CCNH: variants seen among roughly 807,000 people sequenced by gnomAD.
The protein encoded by CCNH is cyclin-H.
In CCNH, 31 loss-of-function variants were observed where a neutral mutation model predicts 41.9. That is an observed-to-expected ratio of 0.74 (90% CI 0.56 to 1.00). The LOEUF is 1.00. Among genes scored for constraint, CCNH ranks in the 50% least tolerant of loss-of-function variants. The pLI is 0.00. For missense variants in CCNH, 362 were observed against 388.4 expected (o/e 0.93, Z 0.57); for synonymous variants, 138 against 136.1 (o/e 1.01, Z -0.10).
chr5:87,399,261 T>C, intron 7 of CCNH, 133 bp downstream of exon 7: 1 of 692,952 alleles, frequency 1.4e-6, no homozygotes. Flanking sequence ...GAAATGTCCA[T>C]TCAATAAAGA....
At chr5:87,354,914 C>T (rs568201891) in intron 9 of CCNH, among the ~76,000 whole-genome samples, 1 of 152,246 alleles carries the variant, frequency 6.6e-6, no homozygotes, top group South Asian at 2.1e-4. Context: ...ATAACATTCC[C>T]TTAAGCCAAA....
chr5:87,388,467 T>C (rs1245935912), downstream of CCNH, among the ~76,000 whole-genome samples: 1 of 152,162 alleles, frequency 6.6e-6, no homozygotes, highest in Non-Finnish European at 1.5e-5. Context: ...CAACAGGAAA[T>C]GCTATTTGGA....
chr5:87,358,957 T>A (rs888078353), intron 9 of CCNH, among the ~76,000 whole-genome samples: 1 of 150,840 alleles, frequency 6.6e-6, no homozygotes, highest in South Asian at 2.1e-4. Flanking sequence ...AATGACACTT[T>A]ACCTAGACAC....
At chr5:87,395,639 G>A (rs1007197281) in intron 7 of CCNH, among the ~76,000 whole-genome samples, 2 of 152,178 alleles carry the variant, frequency 1.3e-5, no homozygotes, top group African/African-American at 2.4e-5. Flanking sequence ...TTAGGAGGCC[G>A]AGGCGTCAGA....
chr5:87,360,174 T>G (rs1759974862), intron 9 of CCNH, among the ~76,000 whole-genome samples: 2 of 151,350 alleles, frequency 1.3e-5, no homozygotes. Context: ...TGCTCAGGCT[T>G]GGAGTGGAAT....
intron 9 of CCNH, among the ~76,000 whole-genome samples, chr5:87,321,249 G>A (rs1756782250): frequency 6.6e-6 from 1 of 152,178 alleles, no homozygotes; most frequent in Non-Finnish European, 1.5e-5. Context: ...TTTTTCCTCT[G>A]CTCTTACACC....
chr5:87,400,396 A>G lies in CCNH; in HGVS notation c.761-891T>C, dbSNP rs540962427. On this transcript the variant is annotated intron_variant, in intron 6 of 8. Transcript: ENST00000256897. ...AAAACAAGTGGAGCAAAATAAAGGT[A>G]TTGAGAAGAAATCAGTAATAAAACT... Among the ~76,000 whole-genome samples, 237 of 152,234 alleles carry G rather than the reference A, an allele frequency of 1.6e-3. 1 individual carries two copies. The highest frequency in any genetic ancestry group is 2.9e-3 in the Non-Finnish European group (198 of 68,038).
At chr5:87,376,752 A>T in exon 1 of CCNH, 2 of 1,211,048 alleles carry the variant, frequency 1.7e-6, no homozygotes, top group Non-Finnish European at 2.3e-6. Flanking sequence ...ATTCTATTTT[A>T]AATAAATTTA....
At chr5:87,311,673 G>C in the CCNH span, among the ~76,000 whole-genome samples, 1 of 152,308 alleles carries the variant, frequency 6.6e-6, no homozygotes, top group Non-Finnish European at 1.5e-5. Flanking sequence ...TGCCAACCAG[G>C]AGAACTCACC....
chr5:87,405,410 A>G (rs1763718435), intron 4 of CCNH, among the ~76,000 whole-genome samples: 1 of 152,212 alleles, frequency 6.6e-6, no homozygotes, highest in African/African-American at 2.4e-5. Context: ...TGATTAGAAC[A>G]CACTAGACTT....
chr5:87,408,353 C>T (rs1763959489), intron 3 of CCNH, among the ~76,000 whole-genome samples, 167 bp from the exon 4 acceptor site: 1 of 152,172 alleles, frequency 6.6e-6, no homozygotes, highest in African/African-American at 2.4e-5. Flanking sequence ...TTAAAAGACA[C>T]TTCCTGTTCA....
intron 9 of CCNH, among the ~76,000 whole-genome samples, chr5:87,357,193 G>C (rs960403043): frequency 1.3e-5 from 2 of 151,776 alleles, no homozygotes; most frequent in Non-Finnish European, 2.9e-5. Flanking sequence ...AGAGTAATTG[G>C]AAGAGAAGTT....
chr5:87,379,655 CTA>C, upstream of CCNH: 1 of 1,553,538 alleles, frequency 6.4e-7, no homozygotes, highest in Non-Finnish European at 8.7e-7. Flanking sequence ...ACCTCGAAAA[CTA>C]TAACTACTTG....
chr5:87,366,185 T>A (rs2112466080), intron 9 of CCNH, among the ~76,000 whole-genome samples: 1 of 152,344 alleles, frequency 6.6e-6, no homozygotes, highest in East Asian at 1.9e-4. Flanking sequence ...GTTTATGGAT[T>A]TAAGGCAGAA....
At chr5:87,345,013 C>A (rs1157537293) in intron 9 of CCNH, among the ~76,000 whole-genome samples, 1 of 152,006 alleles carries the variant, frequency 6.6e-6, no homozygotes, top group Non-Finnish European at 1.5e-5. Flanking sequence ...ATAGTTTCTA[C>A]ATTGTTTCTA....
chr5:87,370,448 AAAAC>A (rs1273573204), intron 9 of CCNH, among the ~76,000 whole-genome samples: 1 of 152,166 alleles, frequency 6.6e-6, no homozygotes. Flanking sequence ...TATTTTTTAA[AAAAC>A]ACTCTTTAAA....
chr5:87,362,427 T>C, intron 9 of CCNH: 1 of 874,168 alleles, frequency 1.1e-6, no homozygotes, highest in African/African-American at 1.7e-5. Flanking sequence ...AGATCATTTA[T>C]GTGTTATGTG....
chr5:87,351,266 A>G lies in CCNH; in HGVS notation c.*91-32369T>C, dbSNP rs150273191. Among the ~76,000 whole-genome samples, 251 of 151,820 alleles carry G rather than the reference A, an allele frequency of 1.7e-3. 1 individual carries two copies. The highest frequency in any genetic ancestry group is 5.8e-3 in the African/African-American group (241 of 41,522). On this transcript the variant is annotated intron_variant and NMD_transcript_variant, in intron 9 of 9. Coordinates refer to the CCNH transcript ENST00000645953. ...TTATCTACTTTGTGAAATATACTGTACAAATTCTGTGTAAATACATTAAAG... is the reference window on the plus strand; with the variant it reads ...TTATCTACTTTGTGAAATATACTGTGCAAATTCTGTGTAAATACATTAAAG...
the CCNH span, among the ~76,000 whole-genome samples, chr5:87,312,867 CAGATTTG>C: frequency 6.6e-6 from 1 of 152,114 alleles, no homozygotes; most frequent in Non-Finnish European, 1.5e-5. Flanking sequence ...GAGAAAAAAA[CAGATTTG>C]TTAGTATGAG....
Sources: gnomAD v4.1 joint callset for allele counts (sites outside exome capture counted in the v4.1 genomes callset) on GRCh38, gnomAD v4.1.1 for gene constraint, MANE v1.5 for transcripts, NCBI Gene and HGNC (gene_info 2026-07-23, HGNC 2026-07-21) for gene names.